DCHS1: variants seen among roughly 807,000 people sequenced by gnomAD.
The protein encoded by DCHS1 is dachsous cadherin-related 1.
A neutral mutation model predicts 213.9 loss-of-function variants in DCHS1; 78 were observed. The ratio of observed to expected loss-of-function variants is 0.36; its 90% CI spans 0.30 to 0.44. DCHS1 has a LOEUF of 0.44. Ranked by LOEUF, DCHS1 falls within the 20% of genes least tolerant of loss-of-function variation. DCHS1 has a pLI of 1.00. For synonymous variants in DCHS1, 1,828 were observed against 1,873.7 expected, an observed-to-expected ratio of 0.98 and a Z score of 0.63; for missense variants, 3,946 against 4,395.9, an observed-to-expected ratio of 0.90 and a Z score of 2.89.
rs1266755420 is a variant in DCHS1, at chr11:6,624,151, C to G, written c.7525G>C (p.Ala2509Pro). ...GCGGCATGGCTGCGGCTTCCATCAG[C>G]ATCTGTAGCCTCCAGGGTGAGCAGA... is the stretch of plus-strand genomic sequence containing the variant. ...STLLTLEATD[A>P]DGSRSHAAVD... The change falls in exon 21 of 21, where the codon GCT becomes CCT. Residue 2509 changes from alanine to proline, a missense_variant. By Grantham distance (27) the Ala-to-Pro change is conservative. This residue lies in a region of DCHS1 where 3,384 missense variants were observed against 3,780.1 expected (regional missense o/e 0.90). Transcript: ENST00000299441. The G allele has an allele frequency of 6.2e-7, 1 of 1,612,358 alleles. No individual in the cohort carries two copies. Among genetic ancestry groups the G allele is most frequent in the East Asian group, 2.2e-5 (1 of 44,844 alleles).
intron 6 of DCHS1, 48 bp downstream of exon 6, chr11:6,631,983 G>A: frequency 6.7e-7 from 1 of 1,484,784 alleles, no homozygotes; most frequent in Admixed American, 2.3e-5. Context: ...TGTTCACCAG[G>A]CTGGGGATAA....
Position 6,624,394 on chromosome 11 carries a change from A to C in DCHS1, c.7286-4T>G, listed in dbSNP as rs1855759340. On this transcript the variant is annotated splice_region_variant and splice_polypyrimidine_tract_variant and intron_variant, in intron 20 of 20. Transcript: ENST00000299441. ...CCCACTATTGTGAACAGGGTCCCTG[A>C]GATGAGAACGGAAGGGAAAGAAATA... 1.3e-6 allele frequency: 2 copies of C among 1,546,846 alleles called. No individual in the cohort carries two copies. The highest frequency in any genetic ancestry group is 1.7e-6 in the Non-Finnish European group (2 of 1,143,592).
In DCHS1 at chr11:6,634,051, G is replaced by A. The variant is rs531280055; in HGVS notation, c.1987-31C>T. On this transcript the variant is annotated intron_variant, in intron 3 of 20. Coordinates refer to ENST00000299441, the MANE Select transcript of DCHS1 (RefSeq NM_003737.4). ...GGGACATGCAGCCATAGGTCAGGTG[G>A]GCCTCATCTGGCCCTGGTGAGTGCC... The A allele has an allele frequency of 4.7e-5, 75 of 1,607,750 alleles. 2 individuals are homozygous for A. The South Asian group carries it at 8.2e-4, about 18-fold the overall frequency.
In DCHS1 at chr11:6,632,366, G is replaced by T; in HGVS notation, c.3146C>A (p.Pro1049Gln). ...EGASSPFGLE[P>Q]QSGWLWVRAA... is the part of the protein sequence containing the mutation. ...CCGCACCCATAGCCACCCACTCTGTGGCTCCAGGCCAAAGGGGCTACTTGC... is the reference window on the plus strand; with the variant it reads ...CCGCACCCATAGCCACCCACTCTGTTGCTCCAGGCCAAAGGGGCTACTTGC... Residue 1049 changes from proline to glutamine, a missense_variant, in exon 6 of 21, where the codon CCA becomes CAA. Physicochemically the swap from Pro to Gln is moderately conservative, Grantham distance 76. This residue lies in a region of DCHS1 where 3,384 missense variants were observed against 3,780.1 expected (regional missense o/e 0.90). Transcript: ENST00000299441. This position sits in a 1 kb window ranked among gnomAD's most constrained non-coding sequence, Gnocchi z 5.9. 6.2e-7 allele frequency: 1 copy of T among 1,613,930 alleles called. No individual in the cohort carries two copies. The highest frequency in any genetic ancestry group is 8.5e-7 in the Non-Finnish European group (1 of 1,179,828).
At position 6,634,168 on chromosome 11, in the gene DCHS1, G is replaced by C. The variant is rs199875933; in HGVS notation, c.1936C>G (p.Arg646Gly). ...TCAAAGCTTGAGGGCCCCTGGTCAC[G>C]GTCCAGGGTCCGGGTTGTGCACACA... ...GDVCTTRTLD[R>G]DQGPSSFDFT... Residue 646 changes from arginine (R) to glycine (G), a missense_variant, in exon 3 of 21, where the codon CGT (arginine) becomes GGT (glycine). Coordinates refer to ENST00000299441, the MANE Select transcript of DCHS1 (RefSeq NM_003737.4). 235 of 1,612,214 alleles carry C rather than the reference G, an allele frequency of 1.5e-4. 1 individual carries two copies. The highest frequency in any genetic ancestry group is 6.7e-5 in the Admixed American group (4 of 59,892).
chr11:6,650,884 GA>G (rs1240598565), intron 1 of DCHS1, among the ~76,000 whole-genome samples: 1 of 152,208 alleles, frequency 6.6e-6, no homozygotes, highest in Non-Finnish European at 1.5e-5. Context: ...AGGATCGAGG[GA>G]GACGAAGGAA....
chr11:6,640,251 C>T lies in DCHS1; in HGVS notation c.1363G>A (p.Glu455Lys). The T allele has an allele frequency of 6.2e-7, 1 of 1,611,204 alleles. No individual in the cohort carries two copies. Among genetic ancestry groups the T allele is most frequent in the Non-Finnish European group, 8.5e-7 (1 of 1,178,682 alleles). Residue 455 changes from glutamate (E) to lysine (K), a missense_variant, in exon 2 of 21, where the codon GAG (glutamate) becomes AAG (lysine). Physicochemically the swap from Glu to Lys is moderately conservative, Grantham distance 56. Around this residue, in one of 3 missense-constraint regions of DCHS1, gnomAD observed 3,384 missense variants for 3,780.1 expected, o/e 0.90. Transcript: ENST00000299441. The surrounding 1 kb of genome is among the most constrained non-coding windows in gnomAD (Gnocchi z 6.5). ...GTGACGTGCAGCACAAAGGCAGCCT[C>T]AGCCCGCAGTGGAGGTGAGCCTGAG... is the stretch of plus-strand genomic sequence containing the variant. ...TDSGSPPLRAEAAFVLHVTDV... is the reference protein window; with the variant it reads ...TDSGSPPLRAKAAFVLHVTDV...
intron 1 of DCHS1, among the ~76,000 whole-genome samples, chr11:6,652,951 C>T (rs1376221051): frequency 2.0e-5 from 3 of 152,198 alleles, no homozygotes; most frequent in Non-Finnish European, 4.4e-5. Flanking sequence ...AGAGTTTCTG[C>T]AACAGCCAAC....
intron 1 of DCHS1, among the ~76,000 whole-genome samples, chr11:6,643,687 T>G (rs1339236531): frequency 6.6e-6 from 1 of 152,216 alleles, no homozygotes; most frequent in African/African-American, 2.4e-5. Flanking sequence ...TCCACTCCCA[T>G]GCCTTCAGTT....
At position 6,626,897 on chromosome 11, in the gene DCHS1, G is replaced by A. The variant is rs1855814525; in HGVS notation, c.6142C>T (p.Arg2048Cys). The A allele has an allele frequency of 3.7e-6, 6 of 1,613,546 alleles. No homozygotes were observed. The highest frequency in any genetic ancestry group is 4.5e-5 in the East Asian group (2 of 44,876). ...ACAATGATCACACCAGTGGCAGAGCGAGCTGGACGGCCAAGATCAGTGGCC... is the reference window on the plus strand; with the variant it reads ...ACAATGATCACACCAGTGGCAGAGCAAGCTGGACGGCCAAGATCAGTGGCC... ...IVATDLGRPARSATGVIIVGL... is the reference protein window; with the variant it reads ...IVATDLGRPACSATGVIIVGL... The change falls in exon 14 of 21, where the codon CGC becomes TGC. Residue 2048 changes from arginine (R) to cysteine (C), a missense_variant. Around this residue, in one of 3 missense-constraint regions of DCHS1, gnomAD observed 3,384 missense variants for 3,780.1 expected, o/e 0.90. Coordinates refer to ENST00000299441, the MANE Select transcript of DCHS1 (RefSeq NM_003737.4). The surrounding 1 kb of genome is among the most constrained non-coding windows in gnomAD (Gnocchi z 5.2).
rs73397261 is a variant in DCHS1, at chr11:6,639,939, C to A, written c.1675G>T (p.Ala559Ser). ...GCCACGCTAACTGTGGCAGAGGAGGCTAGAGGGGGCAGGCCACCATCTGTG... is the reference window on the plus strand; with the variant it reads ...GCCACGCTAACTGTGGCAGAGGAGGATAGAGGGGGCAGGCCACCATCTGTG... ...VATDGGLPPL[A>S]SSATVSVALQ... Residue 559 changes from alanine (A) to serine (S), a missense_variant, in exon 2 of 21, where the codon GCC (alanine) becomes TCC (serine). Coordinates refer to ENST00000299441, the MANE Select transcript of DCHS1 (RefSeq NM_003737.4). 1,637 of 1,614,006 alleles carry A rather than the reference C, an allele frequency of 1.0e-3. 21 individuals carry two copies. In the African/African-American group the frequency reaches 0.019, roughly 19 times the overall value.
At position 6,626,353 on chromosome 11, in the gene DCHS1, C is replaced by A; in HGVS notation, c.6392G>T (p.Gly2131Val). 1 of 1,613,642 alleles carries A rather than the reference C, an allele frequency of 6.2e-7. No homozygotes were observed. The highest frequency in any genetic ancestry group is 1.1e-5 in the South Asian group (1 of 91,008). Residue 2131 changes from glycine (G) to valine (V), a missense_variant, in exon 16 of 21, where the codon GGG becomes GTG. Gly to Val is a moderately radical substitution (Grantham distance 109). This residue lies in a region of DCHS1 where 3,384 missense variants were observed against 3,780.1 expected (regional missense o/e 0.90). Coordinates refer to ENST00000299441, the MANE Select transcript of DCHS1 (RefSeq NM_003737.4). The surrounding 1 kb of genome is among the most constrained non-coding windows in gnomAD (Gnocchi z 5.2). ...CCGTGGACTCACCTCGAAGTCTAGCCCCTCTGCTGAGCGAACTGTGATGGC... is the reference window on the plus strand; with the variant it reads ...CCGTGGACTCACCTCGAAGTCTAGCACCTCTGCTGAGCGAACTGTGATGGC... ...TGAITVRSAE[G>V]LDFEVSPRLR...
chr11:6,627,128 G>A lies in DCHS1; in HGVS notation c.5911C>T (p.Arg1971Cys), dbSNP rs755601379. ...PTSPLRLRLP[R>C]PGPSFSTPTL... Reference sequence around the variant, plus strand: ...GGGGTACTGAAGCTGGGGCCTGGGCGGGGCAGACGTAGGCGCAGAGGACTG... The same window carrying A: ...GGGGTACTGAAGCTGGGGCCTGGGCAGGGCAGACGTAGGCGCAGAGGACTG... The change falls in exon 14 of 21, where the codon CGC becomes TGC. Residue 1971 changes from arginine to cysteine, a missense_variant. Coordinates refer to ENST00000299441, the MANE Select transcript of DCHS1 (RefSeq NM_003737.4). The surrounding 1 kb of genome is among the most constrained non-coding windows in gnomAD (Gnocchi z 5.4). 1.7e-5 allele frequency: 27 copies of A among 1,612,670 alleles called. No individual in the cohort carries two copies. The highest frequency in any genetic ancestry group is 1.2e-4 in the Admixed American group (7 of 59,994).
chr11:6,647,234 G>C (rs1211429937), intron 1 of DCHS1, among the ~76,000 whole-genome samples: 1 of 152,198 alleles, frequency 6.6e-6, no homozygotes, highest in South Asian at 2.1e-4. Flanking sequence ...ACAAGACTGA[G>C]GGAGAGTGAC....
Position 6,622,807 on chromosome 11 carries a change from C to G in DCHS1, c.8869G>C (p.Val2957Leu). ...CTACGGGCCCGAACAAGTCCTAGGA[C>G]CAGGGCTGCCAGTGCAAGCACCACC... Reference protein sequence around the residue: ...VVVVLALAALVLGLVRARSRK... With the variant: ...VVVVLALAALLLGLVRARSRK... The change falls in exon 21 of 21, where the codon GTC becomes CTC. Residue 2957 changes from valine (V) to leucine (L), a missense_variant. Val to Leu is a conservative substitution (Grantham distance 32). Coordinates refer to ENST00000299441, the MANE Select transcript of DCHS1 (RefSeq NM_003737.4). This position sits in a 1 kb window ranked among gnomAD's most constrained non-coding sequence, Gnocchi z 5.4. 2 of 1,592,846 alleles carry G rather than the reference C, an allele frequency of 1.3e-6. No homozygotes were observed. The highest frequency in any genetic ancestry group is 1.7e-6 in the Non-Finnish European group (2 of 1,170,054).
At chr11:6,631,281 C>A (rs756344978) in intron 8 of DCHS1, 30 bp downstream of exon 8, 1 of 1,613,892 alleles carries the variant, frequency 6.2e-7, no homozygotes, top group Non-Finnish European at 8.5e-7. Flanking sequence ...ATGCCATCAC[C>A]CACCAATTCT....
intron 1 of DCHS1, 92 bp downstream of exon 1, chr11:6,655,471 G>T: frequency 4.9e-6 from 4 of 824,008 alleles, no homozygotes; most frequent in Non-Finnish European, 5.8e-6. Flanking sequence ...TCAGAACAAA[G>T]CCCCCGGCTC....
At position 6,630,164 on chromosome 11, in the gene DCHS1, G is replaced by C. The variant is rs748017634; in HGVS notation, c.4630C>G (p.Pro1544Ala). 6.2e-7 allele frequency: 1 copy of C among 1,601,058 alleles called. No homozygotes were observed. Among genetic ancestry groups the C allele is most frequent in the Admixed American group, 1.7e-5 (1 of 58,756 alleles). The stretch of plus-strand genomic sequence containing the variant: ...ACGCGTGACGGCGAGGCGAAGACAG[G>C]CGCGTTGTCATTCTCATCCGTGACG... ...VFVTDENDNA[P>A]VFASPSRVRL... is the part of the protein sequence containing the mutation. Residue 1544 changes from proline to alanine, a missense_variant, in exon 10 of 21, where the codon CCT (proline) becomes GCT (alanine). Transcript: ENST00000299441.
chr11:6,630,807 T>G lies in DCHS1; in HGVS notation c.3987A>C (p.Pro1329=). 6.5e-7 allele frequency: 1 copy of G among 1,543,096 alleles called. No homozygotes were observed. The highest frequency in any genetic ancestry group is 8.7e-7 in the Non-Finnish European group (1 of 1,142,916). ...TCAGCACGACAGGCACTGGTGCCGC[T>G]GGGTCCCGCTCTGCGAGATCTGGGG... ...EPPPDLAERD[P]AAPVPVVLTV... is the part of the protein sequence containing the mutation. Residue 1329 remains proline, a synonymous_variant, in exon 10 of 21, where the codon CCA becomes CCC. Transcript: ENST00000299441.
Sources: allele counts gnomAD v4.1 joint callset (sites outside exome capture counted in the v4.1 genomes callset), GRCh38; gene constraint gnomAD v4.1.1; regional missense constraint gnomAD v4.1.1; non-coding constraint Gnocchi (gnomAD v3.1); transcripts MANE v1.5; gene names NCBI Gene and HGNC (gene_info 2026-07-23, HGNC 2026-07-21).